The following FDX1 variants were observed in gnomAD, a reference collection of about 807,000 sequenced individuals.
FDX1 encodes the protein adrenodoxin, mitochondrial.
In FDX1, 9 loss-of-function variants were observed where a neutral mutation model predicts 14.9. The observed-to-expected ratio is 0.60, with a 90% CI of 0.36 to 1.05. The LOEUF is 1.05. Ranked by LOEUF, FDX1 falls within the 50% of genes least tolerant of loss-of-function variation. The pLI, the probability that FDX1 is intolerant of heterozygous loss-of-function variation, is 0.01. For synonymous variants in FDX1, 92 were observed against 99.4 expected, an observed-to-expected ratio of 0.93 and a Z score of 0.44; for missense variants, 204 against 237.2, an observed-to-expected ratio of 0.86 and a Z score of 0.92.
chr11:110,435,392 A>G (rs571115264), intron 1 of FDX1, among the ~76,000 whole-genome samples: 1 of 152,326 alleles, frequency 6.6e-6, no homozygotes, highest in Admixed American at 6.5e-5. Flanking sequence ...AATAATTGCC[A>G]AATGTTTTAT....
chr11:110,451,261 C>A (rs1420265227), intron 2 of FDX1, among the ~76,000 whole-genome samples: 1 of 152,156 alleles, frequency 6.6e-6, no homozygotes, highest in Non-Finnish European at 1.5e-5. Flanking sequence ...AGCCAACACA[C>A]AGAACCTATT....
At chr11:110,447,505 G>GT (rs1946459479) in intron 2 of FDX1, among the ~76,000 whole-genome samples, 1 of 152,032 alleles carries the variant, frequency 6.6e-6, no homozygotes, top group African/African-American at 2.4e-5. Flanking sequence ...GATAAAATCT[G>GT]TATTCCCAGC....
chr11:110,429,705 C>T (rs370046932), upstream of FDX1, among the ~76,000 whole-genome samples: 404 of 152,212 alleles, frequency 2.7e-3, 3 homozygotes, highest in African/African-American at 8.3e-3. Flanking sequence ...TGGGGGTATG[C>T]GGAACAGAAC....
intron 2 of FDX1, among the ~76,000 whole-genome samples, chr11:110,444,754 A>AG (rs1946438752): frequency 8.1e-6 from 1 of 123,100 alleles, no homozygotes; most frequent in African/African-American, 3.5e-5. Context: ...ACACGTATAT[A>AG]TATATATATA....
chr11:110,450,422 C>G (rs545180832), intron 2 of FDX1, among the ~76,000 whole-genome samples: 3 of 152,224 alleles, frequency 2.0e-5, no homozygotes, highest in South Asian at 2.1e-4. Flanking sequence ...AGCTGCTGAT[C>G]TGACAGAGGT....
At chr11:110,436,191 AC>A (rs1565379714) in intron 2 of FDX1, among the ~76,000 whole-genome samples, 4 of 152,160 alleles carry the variant, frequency 2.6e-5, no homozygotes, top group African/African-American at 9.7e-5. Flanking sequence ...TGGCCTCATT[AC>A]CTTACTGTTT....
intron 1 of FDX1, among the ~76,000 whole-genome samples, chr11:110,434,725 G>GTTTTTTTT (rs56907322): frequency 1.7e-4 from 18 of 105,734 alleles, no homozygotes; most frequent in South Asian, 3.2e-4. Flanking sequence ...GACTTTTTTT[G>GTTTTTTTT]TTTTTTTTTT....
At position 110,431,308 on chromosome 11, in the gene FDX1, G is replaced by C. The variant is rs138395605; in HGVS notation, c.185+1003G>C. Among the ~76,000 whole-genome samples, 77 of 152,306 alleles carry C rather than the reference G, an allele frequency of 5.1e-4. No individual in the cohort carries two copies. The East Asian group carries it at 7.7e-3, about 15-fold the overall frequency. On this transcript the variant is annotated intron_variant, in intron 1 of 3. Coordinates refer to ENST00000260270, the MANE Select transcript of FDX1 (RefSeq NM_004109.5). ...ACATAATTTTTACCAACATGGTGGC[G>C]ATTTATATAATGCAGATCTCTCGAC...
intron 2 of FDX1, among the ~76,000 whole-genome samples, chr11:110,437,699 T>C (rs1946379335): frequency 6.6e-6 from 1 of 152,226 alleles, no homozygotes; most frequent in African/African-American, 2.4e-5. Context: ...GTTAAATGGA[T>C]GTATCATGTG....
At chr11:110,461,543 T>C (rs1474155790) in intron 3 of FDX1, among the ~76,000 whole-genome samples, 1 of 143,388 alleles carries the variant, frequency 7.0e-6, no homozygotes, top group Admixed American at 7.2e-5. Flanking sequence ...AAAATAAAAT[T>C]AGTAGTAATT....
chr11:110,451,131 CA>C (rs67417227), intron 2 of FDX1, among the ~76,000 whole-genome samples: 72,201 of 143,818 alleles, frequency 0.5, 18,036 homozygotes, highest in East Asian at 0.64. Flanking sequence ...TATGAAAAGC[CA>C]AAAAAAAAAA....
rs1349324024 is a variant in FDX1 at position 110,430,033 on chromosome 11, G to T, written c.-88G>T. 3 of 995,558 alleles carry T rather than the reference G, an allele frequency of 3.0e-6. No individual in the cohort carries two copies. The highest frequency in any genetic ancestry group is 4.5e-5 in the Admixed American group (1 of 22,154). The allele number at this position is 995,558 out of a possible 1,614,324, so 61.7% of individuals were successfully genotyped here. On this transcript the variant is annotated 5_prime_UTR_variant, in exon 1 of 4. Transcript: ENST00000260270. ...CTCGCCGCGGCCCTCGGGCGTCTGCGCCGCAGCTGCCGCCCCCGCCTCTTT... is the reference window on the plus strand; with the variant it reads ...CTCGCCGCGGCCCTCGGGCGTCTGCTCCGCAGCTGCCGCCCCCGCCTCTTT...
intron 2 of FDX1, among the ~76,000 whole-genome samples, chr11:110,451,772 G>T (rs1946488111): frequency 1.3e-5 from 2 of 152,218 alleles, no homozygotes; most frequent in African/African-American, 4.8e-5. Context: ...ACAAGATCAT[G>T]TCCTTTGCAG....
chr11:110,446,379 T>G (rs1946450152), intron 2 of FDX1, among the ~76,000 whole-genome samples: 1 of 152,192 alleles, frequency 6.6e-6, no homozygotes, highest in Non-Finnish European at 1.5e-5. Context: ...CTTAGTTTCT[T>G]TACAGTTTCT....
chr11:110,435,651 C>T (rs1406902464), intron 1 of FDX1, among the ~76,000 whole-genome samples, 183 bp from the exon 2 acceptor site: 1 of 152,072 alleles, frequency 6.6e-6, no homozygotes, highest in African/African-American at 2.4e-5. Flanking sequence ...AATTTGAGAC[C>T]AGCTTGAGCA....
intron 2 of FDX1, among the ~76,000 whole-genome samples, chr11:110,444,142 A>G (rs576276148): frequency 1.4e-4 from 22 of 152,174 alleles, no homozygotes; most frequent in African/African-American, 4.3e-4. Context: ...TGCCAATCCA[A>G]TGTCTAGAAG....
intron 2 of FDX1, among the ~76,000 whole-genome samples, chr11:110,445,626 T>G (rs888597059): frequency 2.0e-5 from 3 of 152,220 alleles, no homozygotes; most frequent in Non-Finnish European, 4.4e-5. Context: ...TAAATAAAGT[T>G]TTTTCTGAAA....
chr11:110,434,728 T>TTG (rs1190709897), intron 1 of FDX1, among the ~76,000 whole-genome samples: 3 of 126,554 alleles, frequency 2.4e-5, no homozygotes, highest in African/African-American at 6.9e-5. Flanking sequence ...TTTTTTTGTT[T>TTG]TTTTTTTTTT....
chr11:110,459,443 A>G (rs1341201576), intron 3 of FDX1, among the ~76,000 whole-genome samples: 1 of 152,176 alleles, frequency 6.6e-6, no homozygotes, highest in African/African-American at 2.4e-5. Context: ...TACTATCACC[A>G]TGTTGTAGGT....
Sources: gnomAD v4.1 joint callset for allele counts (sites outside exome capture counted in the v4.1 genomes callset) on GRCh38, gnomAD v4.1.1 for gene constraint, MANE v1.5 for transcripts, NCBI Gene and HGNC (gene_info 2026-07-23, HGNC 2026-07-21) for gene names.